TNNI3K: variants seen among roughly 807,000 people sequenced by gnomAD.
TNNI3K encodes the protein serine/threonine-protein kinase TNNI3K.
TNNI3K carries 140 observed loss-of-function variants against 114.5 expected under a neutral mutation model. The ratio of observed to expected loss-of-function variants is 1.22; its 90% CI spans 1.07 to 1.41. TNNI3K has a LOEUF of 1.41. Among genes scored for constraint, TNNI3K ranks in the 40% most tolerant of loss-of-function variants. The pLI, the probability that TNNI3K is intolerant of heterozygous loss-of-function variation, is 0.00. For synonymous variants in TNNI3K, 347 were observed against 347.5 expected, an observed-to-expected ratio of 1.00 and a Z score of 0.02; for missense variants, 1,125 against 1,007.6, an observed-to-expected ratio of 1.12 and a Z score of -1.58.
At position 74,353,294 on chromosome 1, in the gene TNNI3K, C is replaced by A. The variant is rs192267253; in HGVS notation, c.961C>A (p.Leu321Ile). The A allele has an allele frequency of 6.2e-7, 1 of 1,613,344 alleles. No homozygotes were observed. The highest frequency in any genetic ancestry group is 1.7e-4 in the Middle Eastern group (1 of 6,058). The change falls in exon 10 of 25, where the codon CTA becomes ATA. Residue 321 changes from leucine (L) to isoleucine (I), a missense_variant. Transcript: ENST00000326637. Reference sequence around the variant, plus strand: ...TTGTACCTATGGCAAGAGCATTGACCTAGTCAAATTTCTTCTTGATCAGAA... The same window carrying A: ...TTGTACCTATGGCAAGAGCATTGACATAGTCAAATTTCTTCTTGATCAGAA... ...SACTYGKSID[L>I]VKFLLDQNVI...
intron 20 of TNNI3K, among the ~76,000 whole-genome samples, chr1:74,462,253 T>C (rs1557581063): frequency 6.6e-6 from 1 of 152,190 alleles, no homozygotes; most frequent in Admixed American, 6.5e-5. Context: ...ACTGAAAGTG[T>C]ATGGATAAAC....
At position 74,271,611 on chromosome 1, in the gene TNNI3K, T is replaced by A; in HGVS notation, c.347T>A (p.Leu116Ter). 6.2e-7 allele frequency: 1 copy of A among 1,604,702 alleles called. No individual in the cohort carries two copies. The highest frequency in any genetic ancestry group is 8.5e-7 in the Non-Finnish European group (1 of 1,174,924). ...GTTTCCTTACAGGATAATGCAGAAT[T>A]GATCACTTCTCTGCTTCACAGTGGA... ...HLAVYKDNAE[L>*]ITSLLHSGAD... is the part of the protein sequence containing the mutation. Residue 116 changes from leucine to a stop codon, truncating the protein, a stop_gained, in exon 5 of 25, where the codon TTG (leucine) becomes TAG (stop). Coordinates refer to ENST00000326637, the MANE Select transcript of TNNI3K (RefSeq NM_015978.3). LOFTEE classifies it high-confidence loss of function.
intron 23 of TNNI3K, among the ~76,000 whole-genome samples, chr1:74,520,121 A>G (rs1181015890): frequency 1.3e-5 from 2 of 151,152 alleles, no homozygotes; most frequent in African/African-American, 4.9e-5. Context: ...TATATGCTGA[A>G]CCCAATTTGT....
chr1:74,299,881 A>T (rs1416097986), intron 5 of TNNI3K, among the ~76,000 whole-genome samples: 4 of 152,148 alleles, frequency 2.6e-5, no homozygotes, highest in East Asian at 1.9e-4. Context: ...GCTACATTGT[A>T]TTAGCTAAAT....
chr1:74,362,840 A>G (rs913292698), intron 11 of TNNI3K, among the ~76,000 whole-genome samples: 4 of 152,134 alleles, frequency 2.6e-5, no homozygotes, highest in Non-Finnish European at 2.9e-5. Context: ...GAGAATACAC[A>G]CAGGACTGAA....
intron 21 of TNNI3K, among the ~76,000 whole-genome samples, chr1:74,472,976 T>G (rs985972500): frequency 7.9e-5 from 12 of 152,120 alleles, no homozygotes; most frequent in Non-Finnish European, 1.6e-4. Context: ...AAAGGAAGCT[T>G]CCTTTGACTG....
At chr1:74,445,784 G>A (rs903643576) in intron 20 of TNNI3K, among the ~76,000 whole-genome samples, 12 of 151,608 alleles carry the variant, frequency 7.9e-5, no homozygotes, top group African/African-American at 2.9e-4. Flanking sequence ...CTAACTTTTT[G>A]TATTTTTAGT....
At chr1:74,539,121 G>C (rs774089524) in intron 23 of TNNI3K, among the ~76,000 whole-genome samples, 3 of 152,182 alleles carry the variant, frequency 2.0e-5, no homozygotes, top group Non-Finnish European at 2.9e-5. Context: ...AAGAGGAAAA[G>C]ATTCGTCTAG....
chr1:74,271,579 A>G lies in TNNI3K; in HGVS notation c.334-19A>G. On this transcript the variant is annotated intron_variant, in intron 4 of 24. Coordinates refer to ENST00000326637, the MANE Select transcript of TNNI3K (RefSeq NM_015978.3). ...TGTTATTAGCAGAAAAGTAACACTA[A>G]AGATATGTTTCCTTACAGGATAATG... 6.3e-7 allele frequency: 1 copy of G among 1,581,512 alleles called. No individual in the cohort carries two copies. The highest frequency in any genetic ancestry group is 8.6e-7 in the Non-Finnish European group (1 of 1,161,498).
chr1:74,354,280 G>T (rs983492188), intron 11 of TNNI3K, 151 bp downstream of exon 11: 50 of 1,320,986 alleles, frequency 3.8e-5, no homozygotes, highest in Non-Finnish European at 4.2e-5. Context: ...TTGGATCAAA[G>T]AGTCCAATAC....
intron 23 of TNNI3K, among the ~76,000 whole-genome samples, chr1:74,505,910 C>T (rs17095473): frequency 0.1 from 15,333 of 152,146 alleles, 2,046 homozygotes; most frequent in African/African-American, 0.31. Context: ...CATCTGCAAA[C>T]GAGTACAAAA....
At chr1:74,290,912 G>T (rs1657636989) in intron 5 of TNNI3K, among the ~76,000 whole-genome samples, 1 of 151,674 alleles carries the variant, frequency 6.6e-6, no homozygotes, top group African/African-American at 2.4e-5. Flanking sequence ...TGCTTCTGAA[G>T]CATACTTTTC....
intron 17 of TNNI3K, among the ~76,000 whole-genome samples, chr1:74,414,013 C>G (rs1448484863): frequency 6.6e-6 from 1 of 152,100 alleles, no homozygotes; most frequent in Non-Finnish European, 1.5e-5. Flanking sequence ...TAGGAGCACT[C>G]TACAAGTTTT....
At chr1:74,517,065 A>G (rs920612962) in intron 23 of TNNI3K, among the ~76,000 whole-genome samples, 1 of 152,204 alleles carries the variant, frequency 6.6e-6, no homozygotes, top group Non-Finnish European at 1.5e-5. Flanking sequence ...GTTGATGGGG[A>G]TTATTTAATT....
intron 4 of TNNI3K, among the ~76,000 whole-genome samples, chr1:74,254,854 G>C (rs1261143433): frequency 1.3e-5 from 2 of 152,146 alleles, no homozygotes; most frequent in Non-Finnish European, 2.9e-5. Context: ...GTAAGAGGAG[G>C]AGCACATCCA....
intron 20 of TNNI3K, among the ~76,000 whole-genome samples, chr1:74,451,002 A>G (rs1020311195): frequency 6.6e-6 from 1 of 152,222 alleles, no homozygotes; most frequent in African/African-American, 2.4e-5. Context: ...ATCAACCCAA[A>G]TGCCCATCAA....
rs560177379 is a variant in TNNI3K at position 74,518,548 on chromosome 1, A to G, written c.2352-21686A>G. Among the ~76,000 whole-genome samples, 6 of 152,256 alleles carry G rather than the reference A, an allele frequency of 3.9e-5. No homozygotes were observed. In the South Asian group the frequency reaches 1.0e-3, roughly 26 times the overall value. On this transcript the variant is annotated intron_variant, in intron 23 of 24. Coordinates refer to ENST00000326637, the MANE Select transcript of TNNI3K (RefSeq NM_015978.3). ...GGTGGCTCTATGGTTCCCACTGCTT[A>G]CAGATCTCAGTGGATTCTACTAATC...
At chr1:74,430,574 G>T (rs1359381561) in intron 17 of TNNI3K, among the ~76,000 whole-genome samples, 2 of 152,098 alleles carry the variant, frequency 1.3e-5, no homozygotes, top group East Asian at 3.9e-4. Flanking sequence ...CGCTTATTCA[G>T]ATGAAGTAAA....
At chr1:74,250,590 G>A (rs1654864723) in intron 3 of TNNI3K, 82 bp from the exon 4 acceptor site, 3 of 1,308,558 alleles carry the variant, frequency 2.3e-6, no homozygotes, top group South Asian at 1.5e-5. Flanking sequence ...CAGCTGTATG[G>A]CATTTATCAT....
Sources: allele counts gnomAD v4.1 joint callset (sites outside exome capture counted in the v4.1 genomes callset), GRCh38; gene constraint gnomAD v4.1.1; transcripts MANE v1.5; gene names NCBI Gene and HGNC (gene_info 2026-07-23, HGNC 2026-07-21).